ABI3BP: variants seen among roughly 807,000 people sequenced by gnomAD.
ABI3BP encodes the protein ABI family member 3 binding protein.
ABI3BP carries 216 observed loss-of-function variants against 268.6 expected under a neutral mutation model. The observed-to-expected ratio is 0.80, with a 90% CI of 0.72 to 0.90. The LOEUF (loss-of-function observed/expected upper bound fraction) is 0.90. ABI3BP is among the 40% of genes least tolerant of loss of function. The probability of loss-of-function intolerance (pLI) is 0.00; values close to 1 mark genes in which losing one functional copy is unlikely to be tolerated. For synonymous variants in ABI3BP, 730 were observed against 730.0 expected (o/e 1.00, Z 0.00); for missense variants, 2,090 against 2,182.4 (o/e 0.96, Z 0.84).
At chr3:100,817,660 A>C (rs1222347585) in intron 41 of ABI3BP, among the ~76,000 whole-genome samples, 165 bp from the exon 42 acceptor site, 1 of 152,214 alleles carries the variant, frequency 6.6e-6, no homozygotes, top group Non-Finnish European at 1.5e-5. Context: ...GCAAGACAGC[A>C]TTGCACTCAG....
intron 17 of ABI3BP, among the ~76,000 whole-genome samples, chr3:100,849,312 G>A (rs764771400): frequency 1.2e-4 from 17 of 147,656 alleles, no homozygotes; most frequent in Non-Finnish European, 2.1e-4. Context: ...TGTAACCTTG[G>A]TTTCCCGAGT....
chr3:100,766,917 C>A (rs555249293), intron 62 of ABI3BP, among the ~76,000 whole-genome samples: 4 of 152,184 alleles, frequency 2.6e-5, no homozygotes, highest in Non-Finnish European at 5.9e-5. Context: ...CTGCTGTTAG[C>A]ACTGAGCCCA....
At chr3:100,849,507 A>G (rs969962958) in intron 17 of ABI3BP, among the ~76,000 whole-genome samples, 1 of 152,150 alleles carries the variant, frequency 6.6e-6, no homozygotes, top group African/African-American at 2.4e-5. Context: ...TACAGGCGTG[A>G]GGCACCACAC....
intron 6 of ABI3BP, among the ~76,000 whole-genome samples, chr3:100,884,832 T>C (rs866632765): frequency 6.6e-6 from 1 of 152,086 alleles, no homozygotes; most frequent in African/African-American, 2.4e-5. Flanking sequence ...TGCAATTATT[T>C]TGGCACCAAA....
At chr3:100,937,704 T>C (rs2066867483) in intron 1 of ABI3BP, among the ~76,000 whole-genome samples, 1 of 152,024 alleles carries the variant, frequency 6.6e-6, no homozygotes, top group Non-Finnish European at 1.5e-5. Flanking sequence ...AGCAAGTCCT[T>C]TTCAGGAATT....
intron 2 of ABI3BP, among the ~76,000 whole-genome samples, chr3:100,917,574 C>T (rs1033029999): frequency 6.6e-6 from 1 of 152,150 alleles, no homozygotes; most frequent in African/African-American, 2.4e-5. Context: ...TTGCAATGAA[C>T]CTGGGACCAT....
chr3:100,863,715 G>A, intron 12 of ABI3BP: 1 of 351,094 alleles, frequency 2.8e-6, no homozygotes, highest in Non-Finnish European at 5.2e-6. Flanking sequence ...AGAGACAATA[G>A]AGTAAACACA....
intron 9 of ABI3BP, among the ~76,000 whole-genome samples, chr3:100,869,643 T>C (rs1466593328): frequency 2.0e-5 from 3 of 152,106 alleles, no homozygotes; most frequent in Non-Finnish European, 4.4e-5. Flanking sequence ...TGGGAGCCAC[T>C]GCACCAGGCC....
chr3:100,827,730 TTAAA>T (rs1326055409), intron 34 of ABI3BP, among the ~76,000 whole-genome samples: 1 of 152,136 alleles, frequency 6.6e-6, no homozygotes, highest in East Asian at 1.9e-4. Context: ...ATTTGACAGA[TTAAA>T]TAAATTTATT....
intron 4 of ABI3BP, among the ~76,000 whole-genome samples, chr3:100,895,010 A>T (rs2047010202): frequency 6.6e-6 from 1 of 150,908 alleles, no homozygotes; most frequent in African/African-American, 2.4e-5. Flanking sequence ...AAAATGCGAA[A>T]GTGATTTCTA....
intron 44 of ABI3BP, among the ~76,000 whole-genome samples, chr3:100,814,000 A>G (rs2097933390): frequency 6.6e-6 from 1 of 152,258 alleles, no homozygotes; most frequent in African/African-American, 2.4e-5. Flanking sequence ...TGAAAATGGC[A>G]TGAAATTCAA....
chr3:100,920,461 A>C (rs1245988286), intron 2 of ABI3BP, among the ~76,000 whole-genome samples: 1 of 152,032 alleles, frequency 6.6e-6, no homozygotes, highest in Non-Finnish European at 1.5e-5. Flanking sequence ...TCTTGCTCTG[A>C]CGCCCAGGCT....
At chr3:100,906,781 A>T (rs2053620454) in intron 2 of ABI3BP, among the ~76,000 whole-genome samples, 1 of 152,110 alleles carries the variant, frequency 6.6e-6, no homozygotes, top group Admixed American at 6.5e-5. Context: ...TAATTACTGG[A>T]TTTTTCAGTA....
chr3:100,823,664 G>T, intron 36 of ABI3BP, 150 bp from the exon 37 acceptor site: 1 of 634,390 alleles, frequency 1.6e-6, no homozygotes, highest in Non-Finnish European at 2.6e-6. Context: ...ATGTGTGTTT[G>T]TTCATTGATG....
chr3:100,812,683 A>G (rs943367684), intron 45 of ABI3BP, among the ~76,000 whole-genome samples, 160 bp from the exon 46 acceptor site: 1 of 152,150 alleles, frequency 6.6e-6, no homozygotes, highest in Non-Finnish European at 1.5e-5. Flanking sequence ...TCACAACATG[A>G]TAACTACTGT....
intron 29 of ABI3BP, among the ~76,000 whole-genome samples, chr3:100,833,939 C>T (rs536301353): frequency 6.6e-6 from 1 of 152,290 alleles, no homozygotes; most frequent in South Asian, 2.1e-4. Flanking sequence ...TTATATGATT[C>T]CTACCCATCC....
intron 2 of ABI3BP, among the ~76,000 whole-genome samples, chr3:100,917,833 G>GA (rs1156474165): frequency 1.3e-5 from 2 of 152,024 alleles, no homozygotes. Flanking sequence ...GAATCCAGTA[G>GA]AAAAAAACAG....
chr3:100,859,623 C>T (rs2098975436), intron 14 of ABI3BP, among the ~76,000 whole-genome samples: 1 of 152,080 alleles, frequency 6.6e-6, no homozygotes, highest in South Asian at 2.1e-4. Flanking sequence ...AATAAAAGGG[C>T]TACATAAATA....
At chr3:100,972,868 A>C (rs1424605811) in intron 1 of ABI3BP, among the ~76,000 whole-genome samples, 1 of 152,220 alleles carries the variant, frequency 6.6e-6, no homozygotes, top group Non-Finnish European at 1.5e-5. Flanking sequence ...ATTAATACAC[A>C]AAGCATTTTC....
Sources: allele counts gnomAD v4.1 joint callset (sites outside exome capture counted in the v4.1 genomes callset), GRCh38; gene constraint gnomAD v4.1.1; transcripts MANE v1.5; gene names NCBI Gene and HGNC (gene_info 2026-07-23, HGNC 2026-07-21).